TACR1: variants seen among roughly 807,000 people sequenced by gnomAD.
TACR1 encodes substance-P receptor.
Under a neutral mutation model 35.8 loss-of-function variants are expected in TACR1, and 25 were observed. The ratio of observed to expected loss-of-function variants is 0.70; its 90% confidence interval spans 0.51 to 0.98. The LOEUF (loss-of-function observed/expected upper bound fraction) is 0.98, where lower values mean the gene tolerates loss of function less well. Ranked by LOEUF, TACR1 falls within the 50% of genes least tolerant of loss-of-function variation. The pLI is 0.00. For missense variants in TACR1, 478 were observed against 522.9 expected, an observed-to-expected ratio of 0.91 and a Z score of 0.84; for synonymous variants, 195 against 206.7, an observed-to-expected ratio of 0.94 and a Z score of 0.48.
chr2:75,184,940 A>T (rs1395739431), intron 1 of TACR1, among the ~76,000 whole-genome samples: 1 of 151,932 alleles, frequency 6.6e-6, no homozygotes, highest in East Asian at 1.9e-4. Flanking sequence ...TAATTTCTAA[A>T]TTTAATGCAT....
At chr2:75,064,183 C>T (rs1477858678) in intron 2 of TACR1, among the ~76,000 whole-genome samples, 1 of 152,142 alleles carries the variant, frequency 6.6e-6, no homozygotes, top group Non-Finnish European at 1.5e-5. Context: ...AACACAGACT[C>T]ATGCAGAAGA....
chr2:75,167,580 C>A (rs1675176615), intron 1 of TACR1, among the ~76,000 whole-genome samples: 1 of 152,110 alleles, frequency 6.6e-6, no homozygotes, highest in African/African-American at 2.4e-5. Flanking sequence ...ATCCTTCTGG[C>A]ACAATTGGTA....
chr2:75,185,368 CAGAT>C (rs1426085727), intron 1 of TACR1, among the ~76,000 whole-genome samples: 2 of 151,666 alleles, frequency 1.3e-5, no homozygotes, highest in South Asian at 4.2e-4. Context: ...AAAGAAAAGG[CAGAT>C]AGATATAACA....
chr2:75,086,570 G>A (rs1673193156), intron 2 of TACR1, among the ~76,000 whole-genome samples: 1 of 152,160 alleles, frequency 6.6e-6, no homozygotes, highest in African/African-American at 2.4e-5. Context: ...TCTCCAAGAG[G>A]AAGCAAGCCT....
rs897077411 is a variant in TACR1 at position 75,198,867 on chromosome 2, T to C, written c.68A>G (p.Asn23Ser). The change falls in exon 1 of 5, where the codon AAT (asparagine) becomes AGT (serine). Residue 23 changes from asparagine to serine, a missense_variant. Physicochemically the swap from Asn to Ser is conservative, Grantham distance 46. Coordinates refer to ENST00000305249, the MANE Select transcript of TACR1 (RefSeq NM_001058.4). ...PNISTNTSEPNQFVQPAWQIV... is the reference protein window; with the variant it reads ...PNISTNTSEPSQFVQPAWQIV... ...TTGCCAGGCTGGTTGCACGAACTGA[T>C]TGGGTTCCGAGGTGTTAGTGGAGAT... 5.6e-6 allele frequency: 9 copies of C among 1,614,040 alleles called. No individual in the cohort carries two copies. Among genetic ancestry groups the C allele is most frequent in the Non-Finnish European group, 7.6e-6 (9 of 1,180,014 alleles).
At chr2:75,149,310 G>A (rs896592414) in intron 1 of TACR1, among the ~76,000 whole-genome samples, 6 of 152,076 alleles carry the variant, frequency 3.9e-5, no homozygotes, top group Non-Finnish European at 7.4e-5. Flanking sequence ...GAATAGAAAC[G>A]AATCTATAAA....
intron 2 of TACR1, among the ~76,000 whole-genome samples, chr2:75,118,069 T>G (rs6741029): frequency 0.66 from 99,878 of 151,992 alleles, 33,009 homozygotes; most frequent in African/African-American, 0.7. Flanking sequence ...ACTCTTCTAA[T>G]TATTATACTG....
intron 1 of TACR1, among the ~76,000 whole-genome samples, chr2:75,121,612 G>A (rs1673972542): frequency 6.6e-6 from 1 of 152,182 alleles, no homozygotes; most frequent in Non-Finnish European, 1.5e-5. Flanking sequence ...TGAAGGATAA[G>A]TATTTCATAT....
chr2:75,149,753 C>G (rs1013391165), intron 1 of TACR1, among the ~76,000 whole-genome samples: 1 of 152,118 alleles, frequency 6.6e-6, no homozygotes, highest in African/African-American at 2.4e-5. Flanking sequence ...CCTGATTGCC[C>G]TGGCCAGAAC....
rs1311174438 is a variant in TACR1, at chr2:75,048,261, T to A, written c.*1171A>T. 6.6e-6 allele frequency: 1 copy of A among 152,182 alleles called. No individual in the cohort carries two copies. Among genetic ancestry groups the A allele is most frequent in the Non-Finnish European group, 1.5e-5 (1 of 68,014 alleles). The allele number at this position is 152,182 out of a possible 1,614,324, so 9.4% of individuals were successfully genotyped here. ...CACGATGCTAGTGTAAAACTAAGAA[T>A]GAAGGTTAGGGCCCCCACCCTAAAA... On this transcript the variant is annotated 3_prime_UTR_variant, in exon 5 of 5. Coordinates refer to ENST00000305249, the MANE Select transcript of TACR1 (RefSeq NM_001058.4).
chr2:75,094,257 A>G (rs552051419), intron 2 of TACR1, among the ~76,000 whole-genome samples: 1 of 152,350 alleles, frequency 6.6e-6, no homozygotes, highest in African/African-American at 2.4e-5. Context: ...TTCCAGGTCC[A>G]GATTAAATGT....
At chr2:75,137,194 G>C (rs1394670873) in intron 1 of TACR1, among the ~76,000 whole-genome samples, 1 of 152,094 alleles carries the variant, frequency 6.6e-6, no homozygotes, top group Non-Finnish European at 1.5e-5. Flanking sequence ...CCCCTCACTA[G>C]ACACATGACA....
rs200501533 is a variant in TACR1 at position 75,199,194 on chromosome 2, G to A, written c.-260C>T. 9.4e-5 allele frequency: 44 copies of A among 470,382 alleles called. No homozygotes were observed. In the South Asian group the frequency reaches 1.1e-3, roughly 12 times the overall value. 29.1% of individuals were successfully genotyped at this position (470,382 alleles called of 1,614,324 possible). A position where few individuals can be genotyped will look rare whatever the true frequency, so the allele number is the denominator to read the frequency against. On this transcript the variant is annotated 5_prime_UTR_variant, in exon 1 of 5. Transcript: ENST00000305249. ...AGACGTTTGAGTTCAGAAGTCTGGA[G>A]ACAGCATCTCTCTTGCGGTAAACTG... is the stretch of plus-strand genomic sequence containing the variant.
In TACR1 at chr2:75,051,329, T is replaced by A; in HGVS notation, c.854A>T (p.Gln285Leu). The A allele has an allele frequency of 3.7e-6, 6 of 1,614,212 alleles. No individual in the cohort carries two copies. Among genetic ancestry groups the A allele is most frequent in the Non-Finnish European group, 5.1e-6 (6 of 1,180,028 alleles). Reference protein sequence around the residue: ...PDLYLKKFIQQVYLAIMWLAM... With the variant: ...PDLYLKKFIQLVYLAIMWLAM... Reference sequence around the variant, plus strand: ...CAGCCACATGATGGCCAGGTAGACCTGCTGGATAAACTTCTTCAGGTAGAG... The same window carrying A: ...CAGCCACATGATGGCCAGGTAGACCAGCTGGATAAACTTCTTCAGGTAGAG... The change falls in exon 4 of 5, where the codon CAG becomes CTG. Residue 285 changes from glutamine to leucine, a missense_variant. Physicochemically the swap from Gln to Leu is moderately radical, Grantham distance 113 (BLOSUM62 -2). Transcript: ENST00000305249.
At chr2:75,094,205 T>A (rs187773085) in intron 2 of TACR1, among the ~76,000 whole-genome samples, 1 of 152,292 alleles carries the variant, frequency 6.6e-6, no homozygotes, top group Admixed American at 6.5e-5. Context: ...GTTTTCTAAA[T>A]GGAAGGGATA....
At chr2:75,197,944 T>C (rs991372583) in intron 1 of TACR1, among the ~76,000 whole-genome samples, 5 of 152,170 alleles carry the variant, frequency 3.3e-5, no homozygotes, top group African/African-American at 1.2e-4. Flanking sequence ...TATCTTATGA[T>C]ACTGATGAAA....
At chr2:75,123,290 C>T (rs1260579883) in intron 1 of TACR1, among the ~76,000 whole-genome samples, 1 of 152,118 alleles carries the variant, frequency 6.6e-6, no homozygotes, top group African/African-American at 2.4e-5. Context: ...AATTACATTG[C>T]CCTCTTTTAA....
intron 1 of TACR1, among the ~76,000 whole-genome samples, chr2:75,185,877 T>G (rs1675681617): frequency 6.6e-6 from 1 of 152,204 alleles, no homozygotes; most frequent in African/African-American, 2.4e-5. Flanking sequence ...AACACATTGA[T>G]GACAAATTAT....
intron 1 of TACR1, among the ~76,000 whole-genome samples, chr2:75,136,090 A>G (rs1674283757): frequency 1.3e-5 from 2 of 152,202 alleles, no homozygotes; most frequent in Admixed American, 1.3e-4. Flanking sequence ...GCAAGAAGGA[A>G]GCACATGGGT....
Sources: allele counts gnomAD v4.1 joint callset (sites outside exome capture counted in the v4.1 genomes callset), GRCh38; gene constraint gnomAD v4.1.1; transcripts MANE v1.5; gene names NCBI Gene and HGNC (gene_info 2026-07-23, HGNC 2026-07-21).